The following STK38 variants were observed in gnomAD, a reference collection of about 807,000 sequenced individuals.
The protein encoded by STK38 is serine/threonine-protein kinase 38.
STK38 carries 26 observed loss-of-function variants against 59.0 expected under a neutral mutation model. That is an observed-to-expected ratio of 0.44 (90% CI 0.32 to 0.61). The LOEUF is 0.61. STK38 is among the 20% of genes least tolerant of loss of function. STK38 has a pLI of 0.04. For synonymous variants in STK38, 175 were observed against 176.6 expected (o/e 0.99, Z 0.07); for missense variants, 433 against 566.0 (o/e 0.76, Z 2.38).
chr6:36,510,558 T>C lies in STK38; in HGVS notation c.670-2956A>G, dbSNP rs201126545. ...GCCAGCTCCATGGAGCACACAGCCC[T>C]GACCGCACCTCCCCCACTGCAGCTG... On this transcript the variant is annotated intron_variant, in intron 7 of 13. Transcript: ENST00000229812. 9.8e-5 allele frequency among the ~76,000 whole-genome samples: 15 copies of C among 152,326 alleles called. No individual in the cohort carries two copies. In the East Asian group the frequency reaches 2.9e-3, roughly 29 times the overall value.
At chr6:36,527,269 C>T (rs565354825) in intron 2 of STK38, among the ~76,000 whole-genome samples, 41 of 140,206 alleles carry the variant, frequency 2.9e-4, no homozygotes, top group Non-Finnish European at 4.6e-4. Context: ...TATATATGTA[C>T]ACATGTATAC....
At chr6:36,522,679 G>C (rs990258425) in intron 4 of STK38, among the ~76,000 whole-genome samples, 3 of 151,784 alleles carry the variant, frequency 2.0e-5, no homozygotes, top group Non-Finnish European at 4.4e-5. Flanking sequence ...CCAACCTGGT[G>C]AAACCCCGTC....
At chr6:36,507,441 G>C (rs1776994998) in intron 8 of STK38, 59 bp downstream of exon 8, 1 of 1,409,408 alleles carries the variant, frequency 7.1e-7, no homozygotes. Context: ...GGTTACAAGG[G>C]AAACAGCTCT....
Position 36,507,506 on chromosome 6 carries a change from C to T in STK38, c.766G>A (p.Asp256Asn). ...CGTAATTGTTACCACTTACTGAAAT[C>T]ACTGGGGAGGCTGTGGTTCAGATTC... ...YRNLNHSLPS[D>N]FTFQNMNSKR... Residue 256 changes from aspartate (D) to asparagine (N), a missense_variant, in exon 8 of 14, where the codon GAT becomes AAT. Transcript: ENST00000229812. The T allele has an allele frequency of 6.2e-7, 1 of 1,613,966 alleles. No individual in the cohort carries two copies. Among genetic ancestry groups the T allele is most frequent in the Non-Finnish European group, 8.5e-7 (1 of 1,179,874 alleles).
chr6:36,514,231 C>A (rs1185242569), intron 7 of STK38, among the ~76,000 whole-genome samples: 1 of 151,084 alleles, frequency 6.6e-6, no homozygotes, highest in Non-Finnish European at 1.5e-5. Flanking sequence ...CAAGAGGATC[C>A]CTTGAACCCA....
At chr6:36,522,341 A>T (rs1777396284) in intron 4 of STK38, 1 of 152,408 alleles carries the variant, frequency 6.6e-6, no homozygotes, top group Non-Finnish European at 1.5e-5. Context: ...TCCCAGGAGC[A>T]GGGTGGCAGA....
intron 1 of STK38, among the ~76,000 whole-genome samples, chr6:36,542,509 A>G (rs1456431267): frequency 6.6e-6 from 1 of 152,184 alleles, no homozygotes; most frequent in Admixed American, 6.6e-5. Context: ...TTCAACCAGG[A>G]GTGTGGCACA....
chr6:36,528,567 T>C (rs1777592663), intron 2 of STK38, among the ~76,000 whole-genome samples: 1 of 152,308 alleles, frequency 6.6e-6, no homozygotes, highest in South Asian at 2.1e-4. Context: ...CAGAATATTT[T>C]GGGATACATG....
intron 9 of STK38, among the ~76,000 whole-genome samples, chr6:36,502,305 G>C (rs1776859785): frequency 6.6e-6 from 1 of 152,024 alleles, no homozygotes; most frequent in Admixed American, 6.6e-5. Context: ...AGCATGGCTG[G>C]GATCTTGTTT....
At chr6:36,537,858 C>T (rs549410454) in intron 2 of STK38, among the ~76,000 whole-genome samples, 3 of 151,694 alleles carry the variant, frequency 2.0e-5, no homozygotes, top group South Asian at 2.1e-4. Context: ...ATGATAGTGC[C>T]ACTGCACACC....
Position 36,495,783 on chromosome 6 carries a change from A to T in STK38, c.*1T>A. 1 of 1,613,850 alleles carries T rather than the reference A, an allele frequency of 6.2e-7. No homozygotes were observed. The highest frequency in any genetic ancestry group is 8.5e-7 in the Non-Finnish European group (1 of 1,179,828). Reference sequence around the variant, plus strand: ...CCACATAGGATTCCGTGGCAAGAGTACTATTTTGCTGCTTTCATGTAGGAA... The same window carrying T: ...CCACATAGGATTCCGTGGCAAGAGTTCTATTTTGCTGCTTTCATGTAGGAA... On this transcript the variant is annotated 3_prime_UTR_variant, in exon 14 of 14. Transcript: ENST00000229812.
chr6:36,525,609 T>G lies in STK38; in HGVS notation c.165A>C (p.Glu55Asp), dbSNP rs1250073699. Residue 55 changes from glutamate (E) to aspartate (D), a missense_variant, in exon 3 of 14, where the codon GAA becomes GAC. By Grantham distance (45) the Glu-to-Asp change is conservative (BLOSUM62 2). Coordinates refer to ENST00000229812, the MANE Select transcript of STK38 (RefSeq NM_007271.4). ...QKKLEKVMEEEGLKDEEKRLR... is the reference protein window; with the variant it reads ...QKKLEKVMEEDGLKDEEKRLR... Reference sequence around the variant, plus strand: ...TAATTACCTCCTCATCTTTTAGGCCTTCTTCTTCCATCACCTTTTCTAACT... The same window carrying G: ...TAATTACCTCCTCATCTTTTAGGCCGTCTTCTTCCATCACCTTTTCTAACT... 1.2e-6 allele frequency: 2 copies of G among 1,613,846 alleles called. No homozygotes were observed. Among genetic ancestry groups the G allele is most frequent in the South Asian group, 1.1e-5 (1 of 91,070 alleles).
intron 2 of STK38, 126 bp from the exon 3 acceptor site, chr6:36,525,768 T>A: frequency 1.4e-6 from 1 of 723,628 alleles, no homozygotes; most frequent in Admixed American, 2.9e-5. Flanking sequence ...AAATGTCTCA[T>A]TAAAACAAAA....
rs148587886 is a variant in STK38 at position 36,511,417 on chromosome 6, C to T, written c.670-3815G>A. Among the ~76,000 whole-genome samples, 874 of 151,774 alleles carry T rather than the reference C, an allele frequency of 5.8e-3. 8 individuals are homozygous for T. Among genetic ancestry groups the T allele is most frequent in the African/African-American group, 0.02 (828 of 41,408 alleles). On this transcript the variant is annotated intron_variant, in intron 7 of 13. Coordinates refer to ENST00000229812, the MANE Select transcript of STK38 (RefSeq NM_007271.4). Reference sequence around the variant, plus strand: ...TGTTACCCAGGCTGAAGTGCAGTGGCGCCATCTTGGCTCACTGCAACCTCT... The same window carrying T: ...TGTTACCCAGGCTGAAGTGCAGTGGTGCCATCTTGGCTCACTGCAACCTCT...
At chr6:36,540,423 A>G (rs1582468041) in intron 1 of STK38, among the ~76,000 whole-genome samples, 2 of 152,326 alleles carry the variant, frequency 1.3e-5, no homozygotes, top group South Asian at 4.1e-4. Flanking sequence ...TATAAAGACT[A>G]AAGAAACCGT....
At chr6:36,510,245 C>CT (rs1777075473) in intron 7 of STK38, among the ~76,000 whole-genome samples, 1 of 152,230 alleles carries the variant, frequency 6.6e-6, no homozygotes, top group South Asian at 2.1e-4. Context: ...CTTGGCCTCC[C>CT]TCTCATGCTT....
chr6:36,537,323 A>G (rs1168228799), intron 2 of STK38, among the ~76,000 whole-genome samples: 1 of 152,194 alleles, frequency 6.6e-6, no homozygotes, highest in Non-Finnish European at 1.5e-5. Flanking sequence ...ATTTTGGAAA[A>G]AGGTCTAGCA....
intron 6 of STK38, 32 bp downstream of exon 6, chr6:36,517,685 G>GA (rs1042182615): frequency 4.4e-6 from 7 of 1,606,222 alleles, no homozygotes; most frequent in Non-Finnish European, 5.1e-6. Context: ...AGAACAAAAA[G>GA]AAAAAATGAC....
chr6:36,541,591 T>C (rs1308337437), intron 1 of STK38, among the ~76,000 whole-genome samples: 3 of 152,160 alleles, frequency 2.0e-5, no homozygotes, highest in Admixed American at 6.6e-5. Flanking sequence ...AATAAAATAA[T>C]GTGCAGACAA....
Sources: gnomAD v4.1 joint callset for allele counts (sites outside exome capture counted in the v4.1 genomes callset) on GRCh38, gnomAD v4.1.1 for gene constraint, MANE v1.5 for transcripts, NCBI Gene and HGNC (gene_info 2026-07-23, HGNC 2026-07-21) for gene names.